The following SYT16 variants were observed in gnomAD, a reference collection of about 807,000 sequenced individuals.
SYT16 encodes the protein synaptotagmin-16.
Under a neutral mutation model 61.4 loss-of-function variants are expected in SYT16, and 42 were observed. That is an observed-to-expected ratio of 0.68 (90% CI 0.53 to 0.89). The LOEUF (loss-of-function observed/expected upper bound fraction) is 0.89. Ranked by LOEUF, SYT16 falls within the 40% of genes least tolerant of loss-of-function variation. The pLI, the probability that SYT16 is intolerant of heterozygous loss-of-function variation, is 0.00. For missense variants in SYT16, 804 were observed against 807.3 expected (o/e 1.00, Z 0.05); for synonymous variants, 314 against 302.3 (o/e 1.04, Z -0.40).
At chr14:61,865,224 C>A in intron 1 of SYT16, 1 of 1,044,352 alleles carries the variant, frequency 9.6e-7, no homozygotes, top group South Asian at 1.3e-5. Flanking sequence ...TCTGGGGCAC[C>A]CCATCTGTTG....
At chr14:62,078,250 A>G (rs1354235322) in intron 5 of SYT16, among the ~76,000 whole-genome samples, 1 of 151,798 alleles carries the variant, frequency 6.6e-6, no homozygotes, top group African/African-American at 2.4e-5. Flanking sequence ...AGAAGAAAGG[A>G]GACTGTATGT....
At chr14:61,825,224 C>T (rs1426526277) in intron 1 of SYT16, among the ~76,000 whole-genome samples, 1 of 152,142 alleles carries the variant, frequency 6.6e-6, no homozygotes, top group Non-Finnish European at 1.5e-5. Flanking sequence ...CTTGCTGTGT[C>T]ACTTCAGGGT....
intron 1 of SYT16, among the ~76,000 whole-genome samples, chr14:61,968,296 T>C (rs904045436): frequency 6.6e-6 from 1 of 152,060 alleles, no homozygotes; most frequent in Non-Finnish European, 1.5e-5. Context: ...GAAAATACTT[T>C]GAAGATGGTT....
At chr14:61,991,306 C>T (rs192557420) in intron 2 of SYT16, among the ~76,000 whole-genome samples, 13 of 145,720 alleles carry the variant, frequency 8.9e-5, no homozygotes, top group Admixed American at 8.4e-4. Context: ...ATCCAGGGAA[C>T]TGGACTTTTT....
chr14:62,053,958 A>C (rs1447513067), intron 3 of SYT16, among the ~76,000 whole-genome samples: 1 of 152,220 alleles, frequency 6.6e-6, no homozygotes, highest in Non-Finnish European at 1.5e-5. Flanking sequence ...CCATTTTACC[A>C]GTGGAAAATA....
At chr14:62,007,507 A>G (rs1291840623) in intron 3 of SYT16, among the ~76,000 whole-genome samples, 1 of 152,188 alleles carries the variant, frequency 6.6e-6, no homozygotes. Context: ...ATATTAATGA[A>G]CATGTTAGCA....
At chr14:61,993,569 A>C (rs2052644786) in intron 2 of SYT16, among the ~76,000 whole-genome samples, 1 of 152,136 alleles carries the variant, frequency 6.6e-6, no homozygotes, top group Non-Finnish European at 1.5e-5. Flanking sequence ...GTGGGAGCTA[A>C]AGCCACTGGA....
At chr14:62,056,989 C>T (rs150557269) in intron 3 of SYT16, among the ~76,000 whole-genome samples, 354 of 152,228 alleles carry the variant, frequency 2.3e-3, no homozygotes, top group African/African-American at 7.8e-3. Flanking sequence ...AAACGTGAGC[C>T]GCGCTGGGGG....
chr14:62,027,795 TTTGAGTC>T (rs2054158665), intron 3 of SYT16, among the ~76,000 whole-genome samples: 1 of 152,146 alleles, frequency 6.6e-6, no homozygotes, highest in Non-Finnish European at 1.5e-5. Flanking sequence ...CCATGTTTAA[TTTGAGTC>T]TTGTGTTCTC....
At chr14:62,025,983 A>G in intron 3 of SYT16, among the ~76,000 whole-genome samples, 1 of 152,052 alleles carries the variant, frequency 6.6e-6, no homozygotes, top group Non-Finnish European at 1.5e-5. Context: ...CTTGAGGTAA[A>G]CCTTATTTGG....
Position 62,016,487 on chromosome 14 carries a change from T to A in SYT16, c.523+19945T>A, listed in dbSNP as rs186575651. The stretch of plus-strand genomic sequence containing the variant: ...GGCGGGCAGATCACAAGGTCAGGAG[T>A]TTGAGACCATCTTGGCTAACACGGT... On this transcript the variant is annotated intron_variant, in intron 3 of 7. Coordinates refer to ENST00000683842, the MANE Select transcript of SYT16 (RefSeq NM_001367656.1). Among the ~76,000 whole-genome samples, 11 of 148,194 alleles carry A rather than the reference T, an allele frequency of 7.4e-5. No homozygotes were observed. In the East Asian group the frequency reaches 2.2e-3, roughly 29 times the overall value.
At chr14:61,896,077 T>G (rs746784793) in intron 1 of SYT16, among the ~76,000 whole-genome samples, 9 of 136,764 alleles carry the variant, frequency 6.6e-5, no homozygotes, top group Non-Finnish European at 1.2e-4. Flanking sequence ...TTTGGAGCCA[T>G]TTTTTTTTTT....
chr14:61,832,269 G>C (rs1288085192), intron 1 of SYT16: 1 of 596,554 alleles, frequency 1.7e-6, no homozygotes, highest in African/African-American at 1.8e-5. Context: ...AGCTGGGAGC[G>C]CATAGTCATC....
At chr14:61,963,456 A>G (rs1228092225) in intron 1 of SYT16, among the ~76,000 whole-genome samples, 4 of 152,206 alleles carry the variant, frequency 2.6e-5, no homozygotes, top group African/African-American at 7.2e-5. Flanking sequence ...CAAACCAGCT[A>G]TAGCATTCCC....
chr14:61,981,729 G>A (rs376242416), intron 2 of SYT16, among the ~76,000 whole-genome samples: 26 of 152,204 alleles, frequency 1.7e-4, no homozygotes, highest in African/African-American at 6.0e-4. Context: ...TGGAGATGGA[G>A]GCATTAGGTT....
chr14:61,948,853 A>AT (rs1242894267), intron 1 of SYT16, among the ~76,000 whole-genome samples: 1 of 152,174 alleles, frequency 6.6e-6, no homozygotes, highest in African/African-American at 2.4e-5. Flanking sequence ...AAACCAGGAG[A>AT]TTCTGGTGAT....
At chr14:62,033,613 A>G (rs1346837233) in intron 3 of SYT16, among the ~76,000 whole-genome samples, 1 of 152,166 alleles carries the variant, frequency 6.6e-6, no homozygotes, top group African/African-American at 2.4e-5. Flanking sequence ...AGTGCCCCAT[A>G]GGAAATGGAA....
At chr14:62,054,395 C>G (rs897701952) in intron 3 of SYT16, among the ~76,000 whole-genome samples, 1 of 139,684 alleles carries the variant, frequency 7.2e-6, no homozygotes, top group African/African-American at 2.7e-5. Flanking sequence ...GGGTCTCACC[C>G]TGTCATCCAG....
chr14:61,866,297 C>G (rs1488538228), intron 1 of SYT16, among the ~76,000 whole-genome samples: 1 of 151,672 alleles, frequency 6.6e-6, no homozygotes, highest in East Asian at 1.9e-4. Flanking sequence ...AAAAAATTGC[C>G]AAAAAAGGAA....
Sources: allele counts gnomAD v4.1 joint callset (sites outside exome capture counted in the v4.1 genomes callset), GRCh38; gene constraint gnomAD v4.1.1; transcripts MANE v1.5; gene names NCBI Gene and HGNC (gene_info 2026-07-23, HGNC 2026-07-21).